The following DENND4C variants were observed in gnomAD, a reference collection of about 807,000 sequenced individuals.
DENND4C encodes the protein DENN domain containing 4C.
Under a neutral mutation model 203.0 loss-of-function variants are expected in DENND4C, and 108 were observed. The ratio of observed to expected loss-of-function variants is 0.53; its 90% CI spans 0.46 to 0.62. The LOEUF (loss-of-function observed/expected upper bound fraction) is 0.62, where lower values mean the gene tolerates loss of function less well. Ranked by LOEUF, DENND4C falls within the 20% of genes least tolerant of loss-of-function variation. DENND4C has a pLI of 0.00. For missense variants in DENND4C, 2,481 were observed against 2,301.2 expected (o/e 1.08, Z -1.60); for synonymous variants, 871 against 792.4 (o/e 1.10, Z -1.67).
In DENND4C at chr9:19,278,882, G is replaced by C. The variant is rs1833456492; in HGVS notation, c.305+2403G>C. ...CCCCCTCCACTCTGCCCCCCCAGAA[G>C]CTTGACTTTAAGGGAAGGGGAAGAT... is the stretch of plus-strand genomic sequence containing the variant. On this transcript the variant is annotated intron_variant, in intron 2 of 32. Transcript: ENST00000434457. Among the ~76,000 whole-genome samples the C allele has an allele frequency of 2.6e-5, 4 of 151,978 alleles. No individual in the cohort carries two copies. In the South Asian group the frequency reaches 8.3e-4, roughly 32 times the overall value.
chr9:19,263,809 C>T (rs186840078), intron 1 of DENND4C, among the ~76,000 whole-genome samples: 1 of 152,008 alleles, frequency 6.6e-6, no homozygotes, highest in African/African-American at 2.4e-5. Context: ...GCGCCCACCA[C>T]CACGCCCGGC....
chr9:19,291,785 G>A (rs1380645111), intron 5 of DENND4C, among the ~76,000 whole-genome samples: 4 of 151,748 alleles, frequency 2.6e-5, no homozygotes, highest in East Asian at 3.9e-4. Flanking sequence ...TACCTTAAAT[G>A]TGGTACATAC....
chr9:19,279,853 C>CT (rs1188019186), intron 2 of DENND4C, among the ~76,000 whole-genome samples: 1 of 151,686 alleles, frequency 6.6e-6, no homozygotes, highest in Non-Finnish European at 1.5e-5. Context: ...AAAAAAAAAT[C>CT]TATTTTTAAC....
chr9:19,315,563 G>A (rs1179067144), intron 10 of DENND4C, among the ~76,000 whole-genome samples: 2 of 150,758 alleles, frequency 1.3e-5, no homozygotes, highest in African/African-American at 4.9e-5. Flanking sequence ...ATATATGTAT[G>A]TGTGTATATA....
At chr9:19,257,448 A>C (rs1192036319) in intron 1 of DENND4C, among the ~76,000 whole-genome samples, 2 of 152,118 alleles carry the variant, frequency 1.3e-5, no homozygotes, top group African/African-American at 4.8e-5. Flanking sequence ...TAAATAACTA[A>C]ATTAGAAAAG....
At position 19,360,247 on chromosome 9, in the gene DENND4C, C is replaced by A; in HGVS notation, c.5164C>A (p.Pro1722Thr). ...TTCTTTTTGTATTTTTTTTAAGGAT[C>A]CTTTAGGAAAAAGACCCAATCCTCC... ...LPNSLQEVVDPLGKRPNPPPV... is the reference protein window; with the variant it reads ...LPNSLQEVVDTLGKRPNPPPV... The change falls in exon 29 of 33, where the codon CCT becomes ACT. Residue 1722 changes from proline to threonine, a missense_variant. Coordinates refer to ENST00000434457, the MANE Select transcript of DENND4C (RefSeq NM_001330640.2). The A allele has an allele frequency of 1.2e-6, 2 of 1,610,140 alleles. No homozygotes were observed. Among genetic ancestry groups the A allele is most frequent in the Non-Finnish European group, 1.7e-6 (2 of 1,178,942 alleles).
intron 30 of DENND4C, among the ~76,000 whole-genome samples, chr9:19,364,209 A>C (rs867533645): frequency 6.6e-6 from 1 of 151,992 alleles, no homozygotes; most frequent in Non-Finnish European, 1.5e-5. Flanking sequence ...AAAAAAAAAA[A>C]GGAAAACATA....
At chr9:19,246,493 C>G (rs2131544045) in intron 1 of DENND4C, among the ~76,000 whole-genome samples, 1 of 152,262 alleles carries the variant, frequency 6.6e-6, no homozygotes, top group South Asian at 2.1e-4. Context: ...ATCCTCCCAC[C>G]TTGGCTTCCC....
chr9:19,359,833 A>G (rs1338050625), intron 28 of DENND4C, among the ~76,000 whole-genome samples: 1 of 152,232 alleles, frequency 6.6e-6, no homozygotes, highest in Non-Finnish European at 1.5e-5. Context: ...AAGTGAGTTA[A>G]GTCAACAAAG....
At chr9:19,359,429 T>G (rs1258975378) in intron 28 of DENND4C, among the ~76,000 whole-genome samples, 1 of 151,882 alleles carries the variant, frequency 6.6e-6, no homozygotes, top group East Asian at 1.9e-4. Context: ...CATGCTTATA[T>G]TATTCTCTTT....
intron 30 of DENND4C, among the ~76,000 whole-genome samples, chr9:19,364,438 G>A (rs1342367717): frequency 2.6e-5 from 4 of 152,312 alleles, no homozygotes; most frequent in African/African-American, 9.6e-5. Flanking sequence ...TAGAAATACA[G>A]TACACAGCTA....
intron 1 of DENND4C, among the ~76,000 whole-genome samples, chr9:19,261,224 C>A: frequency 6.6e-6 from 1 of 152,016 alleles, no homozygotes; most frequent in Non-Finnish European, 1.5e-5. Context: ...GTCTCTGTGT[C>A]TTATTTTAAT....
intron 26 of DENND4C, among the ~76,000 whole-genome samples, chr9:19,353,387 G>A (rs1004037351): frequency 6.6e-6 from 1 of 151,888 alleles, no homozygotes; most frequent in Non-Finnish European, 1.5e-5. Context: ...TAGCACTTTG[G>A]GAGGCCCAGA....
chr9:19,261,213 G>C (rs373268064), intron 1 of DENND4C, among the ~76,000 whole-genome samples: 6 of 151,936 alleles, frequency 3.9e-5, no homozygotes, highest in East Asian at 3.9e-4. Context: ...GTGTTCCATT[G>C]GTCTCTGTGT....
intron 2 of DENND4C, among the ~76,000 whole-genome samples, chr9:19,281,120 C>A (rs904973110): frequency 1.3e-5 from 2 of 152,186 alleles, no homozygotes; most frequent in African/African-American, 4.8e-5. Context: ...ATGTGAATCT[C>A]TGCAAAATTG....
intron 26 of DENND4C, among the ~76,000 whole-genome samples, chr9:19,354,549 C>CTTTTTTT (rs66823332): frequency 2.3e-5 from 2 of 87,294 alleles, no homozygotes; most frequent in African/African-American, 9.3e-5. Flanking sequence ...TTATTCTAGC[C>CTTTTTTT]TTTTTTTTTT....
At chr9:19,281,353 T>G (rs1588833096) in intron 2 of DENND4C, among the ~76,000 whole-genome samples, 2 of 152,302 alleles carry the variant, frequency 1.3e-5, no homozygotes, top group Non-Finnish European at 2.9e-5. Context: ...TGTTAATGTC[T>G]GGTGACTTAA....
intron 22 of DENND4C, among the ~76,000 whole-genome samples, chr9:19,343,504 A>G (rs1822131381): frequency 6.6e-6 from 1 of 152,236 alleles, no homozygotes; most frequent in Non-Finnish European, 1.5e-5. Flanking sequence ...ACTGTACAGA[A>G]ATTAATTTGT....
chr9:19,233,305 C>A (rs918328191), intron 1 of DENND4C, among the ~76,000 whole-genome samples: 1 of 152,068 alleles, frequency 6.6e-6, no homozygotes, highest in African/African-American at 2.4e-5. Context: ...GTTTGACAGA[C>A]GTAGCAAAGG....
Sources: allele counts gnomAD v4.1 joint callset (sites outside exome capture counted in the v4.1 genomes callset), GRCh38; gene constraint gnomAD v4.1.1; transcripts MANE v1.5; gene names NCBI Gene and HGNC (gene_info 2026-07-23, HGNC 2026-07-21).